Variants in PKN2 observed in about 807,000 individuals in gnomAD.
The protein encoded by PKN2 is protein kinase N2.
Under a neutral mutation model 119.1 loss-of-function variants are expected in PKN2, and 38 were observed. The ratio of observed to expected loss-of-function variants is 0.32; its 90% CI spans 0.25 to 0.42. PKN2 has a LOEUF of 0.42. Among genes scored for constraint, PKN2 ranks in the 10% least tolerant of loss-of-function variants. PKN2 has a pLI of 1.00. For synonymous variants in PKN2, 390 were observed against 384.9 expected, an observed-to-expected ratio of 1.01 and a Z score of -0.15; for missense variants, 850 against 1,165.1, an observed-to-expected ratio of 0.73 and a Z score of 3.94.
chr1:88,820,539 AAAAAT>A lies in PKN2; in HGVS notation c.2280-1398_2280-1394del, dbSNP rs1672235043. On this transcript the variant is annotated intron_variant, in intron 16 of 21. Coordinates refer to ENST00000370521, the MANE Select transcript of PKN2 (RefSeq NM_006256.4). ...CAAGAGCAAAACTCCATCTCAAAAA[AAAAAT>A]AAATAAAATAAATAAATAAAAATTA... 2.0e-5 allele frequency among the ~76,000 whole-genome samples: 3 copies of A among 149,054 alleles called. No individual in the cohort carries two copies. In the South Asian group the frequency reaches 6.3e-4, roughly 31 times the overall value.
intron 3 of PKN2, among the ~76,000 whole-genome samples, chr1:88,762,223 C>T (rs147510029): frequency 0.016 from 2,507 of 152,218 alleles, 46 homozygotes; most frequent in South Asian, 0.067. Flanking sequence ...AAAAGTAAAA[C>T]AAATAGATAA....
At chr1:88,690,438 T>C (rs1666287709) in intron 1 of PKN2, among the ~76,000 whole-genome samples, 1 of 152,238 alleles carries the variant, frequency 6.6e-6, no homozygotes, top group South Asian at 2.1e-4. Context: ...CTATATTATT[T>C]CAAAAGCCAA....
At chr1:88,767,708 A>G (rs1015374460) in intron 3 of PKN2, among the ~76,000 whole-genome samples, 2 of 152,250 alleles carry the variant, frequency 1.3e-5, no homozygotes, top group African/African-American at 4.8e-5. Flanking sequence ...TATTTGCTAA[A>G]TGACTGACTT....
intron 3 of PKN2, among the ~76,000 whole-genome samples, chr1:88,768,017 TGA>T (rs1188905080): frequency 1.7e-4 from 23 of 133,604 alleles, no homozygotes; most frequent in African/African-American, 8.1e-4. Context: ...ATTGCCTTAG[TGA>T]TTAAAAATAG....
At chr1:88,805,409 A>T (rs1203251828) in intron 10 of PKN2, 88 bp from the exon 11 acceptor site, 33 of 1,182,718 alleles carry the variant, frequency 2.8e-5, no homozygotes, top group Non-Finnish European at 3.5e-5. Context: ...CGTAGATTAT[A>T]AACTAATGGA....
intron 3 of PKN2, among the ~76,000 whole-genome samples, chr1:88,768,440 CA>C (rs1450635668): frequency 1.3e-5 from 2 of 152,174 alleles, no homozygotes; most frequent in East Asian, 3.8e-4. Context: ...TCTAAGCTAG[CA>C]ATAGCAGGTC....
At chr1:88,775,064 T>C (rs1016275382) in intron 6 of PKN2, among the ~76,000 whole-genome samples, 2 of 152,016 alleles carry the variant, frequency 1.3e-5, no homozygotes, top group Non-Finnish European at 2.9e-5. Flanking sequence ...TAGATAGATA[T>C]ATATATTCTC....
intron 1 of PKN2, among the ~76,000 whole-genome samples, chr1:88,710,529 C>A (rs1429282036): frequency 6.6e-6 from 1 of 152,176 alleles, no homozygotes; most frequent in African/African-American, 2.4e-5. Flanking sequence ...TGCCATGAAT[C>A]TTGTCACAAA....
intron 1 of PKN2, among the ~76,000 whole-genome samples, chr1:88,724,561 T>C (rs1272055267): frequency 6.6e-6 from 1 of 151,534 alleles, no homozygotes; most frequent in East Asian, 1.9e-4. Flanking sequence ...TAAACAGTGT[T>C]CCAAGGGATT....
intron 1 of PKN2, among the ~76,000 whole-genome samples, chr1:88,686,474 G>A (rs1015562443): frequency 2.0e-5 from 3 of 151,924 alleles, no homozygotes; most frequent in Non-Finnish European, 4.4e-5. Flanking sequence ...TAAATATGAT[G>A]ACCTAGAAAT....
chr1:88,781,762 T>G (rs1670355091), intron 6 of PKN2, among the ~76,000 whole-genome samples: 1 of 152,158 alleles, frequency 6.6e-6, no homozygotes, highest in South Asian at 2.1e-4. Context: ...AGTAGCCAGA[T>G]GTTTTCAGTT....
At chr1:88,722,687 G>T (rs1356015243) in intron 1 of PKN2, among the ~76,000 whole-genome samples, 1 of 151,944 alleles carries the variant, frequency 6.6e-6, no homozygotes, top group Non-Finnish European at 1.5e-5. Flanking sequence ...GGAAGCTGAG[G>T]TGGGAGGATC....
At chr1:88,823,417 G>A (rs1411581814) in intron 17 of PKN2, among the ~76,000 whole-genome samples, 1 of 151,782 alleles carries the variant, frequency 6.6e-6, no homozygotes, top group Non-Finnish European at 1.5e-5. Flanking sequence ...ACTGGATTAA[G>A]TTGGCCAGGT....
At chr1:88,778,646 C>G (rs1292227297) in intron 6 of PKN2, among the ~76,000 whole-genome samples, 1 of 152,164 alleles carries the variant, frequency 6.6e-6, no homozygotes, top group Non-Finnish European at 1.5e-5. Context: ...TTTGCAGAGA[C>G]TGGTTCATTT....
rs1279483719 is a variant in PKN2, at chr1:88,760,381, G to C, written c.504+5G>C. The C allele has an allele frequency of 4.1e-6, 6 of 1,465,264 alleles. No homozygotes were observed. The East Asian group carries it at 1.4e-4, about 35-fold the overall frequency. 90.8% of individuals were successfully genotyped at this position (1,465,264 alleles called of 1,614,324 possible). Reference sequence around the variant, plus strand: ...TATTCAAATGGATCTTCAAAGGTAAGTGTAGTTAATAAATGTAACTATATA... The same window carrying C: ...TATTCAAATGGATCTTCAAAGGTAACTGTAGTTAATAAATGTAACTATATA... On this transcript the variant is annotated splice_donor_5th_base_variant and intron_variant, in intron 3 of 21. Coordinates refer to ENST00000370521, the MANE Select transcript of PKN2 (RefSeq NM_006256.4).
chr1:88,708,595 T>C (rs1408879809), intron 1 of PKN2, among the ~76,000 whole-genome samples: 1 of 151,788 alleles, frequency 6.6e-6, no homozygotes. Flanking sequence ...TAAATTAATC[T>C]TAGGCCTTCA....
chr1:88,713,693 A>G (rs1443628303), intron 1 of PKN2, among the ~76,000 whole-genome samples: 8 of 152,096 alleles, frequency 5.3e-5, no homozygotes, highest in African/African-American at 9.7e-5. Context: ...TTGTCGGATG[A>G]ATAGATTGCA....
chr1:88,776,765 C>T (rs533854329), intron 6 of PKN2, among the ~76,000 whole-genome samples: 1 of 151,638 alleles, frequency 6.6e-6, no homozygotes, highest in East Asian at 1.9e-4. Flanking sequence ...AGTCCTCCTG[C>T]TTCCTCCAGG....
rs1296994893 is a variant in PKN2, at chr1:88,801,767, G to C, written c.1282-2624G>C. On this transcript the variant is annotated intron_variant, in intron 8 of 21. Transcript: ENST00000370521. ...GCAATCTTTACTTTCTGCAGAAAGC[G>C]TGCCCCTCGCAAATGGAACAATCGC... 2.6e-5 allele frequency among the ~76,000 whole-genome samples: 4 copies of C among 152,310 alleles called. No individual in the cohort carries two copies. In the South Asian group the frequency reaches 6.2e-4, roughly 24 times the overall value.
Sources: gnomAD v4.1 joint callset for allele counts (sites outside exome capture counted in the v4.1 genomes callset) on GRCh38, gnomAD v4.1.1 for gene constraint, MANE v1.5 for transcripts, NCBI Gene and HGNC (gene_info 2026-07-23, HGNC 2026-07-21) for gene names.